MGA: variants seen among roughly 807,000 people sequenced by gnomAD.
The protein encoded by MGA is MAX gene-associated protein.
MGA carries 40 observed loss-of-function variants against 261.1 expected under a neutral mutation model. That is an observed-to-expected ratio of 0.15 (90% CI 0.12 to 0.20). The LOEUF is 0.20. Among genes scored for constraint, MGA ranks in the 10% least tolerant of loss-of-function variants. MGA has a pLI of 1.00. For synonymous variants in MGA, 1,302 were observed against 1,290.6 expected (o/e 1.01, Z -0.19); for missense variants, 3,397 against 3,630.5 (o/e 0.94, Z 1.65).
chr15:41,654,153 C>A (rs569371589), intron 1 of MGA, among the ~76,000 whole-genome samples: 13 of 152,234 alleles, frequency 8.5e-5, no homozygotes, highest in Admixed American at 6.5e-5. Flanking sequence ...CCATCACAGT[C>A]CTGTTGTGTG....
chr15:41,723,150 C>T (rs1435129740), intron 9 of MGA, among the ~76,000 whole-genome samples: 1 of 152,164 alleles, frequency 6.6e-6, no homozygotes, highest in African/African-American at 2.4e-5. Flanking sequence ...CTTAATTCCA[C>T]CTTTTCCTGC....
chr15:41,649,842 G>A (rs2057005903), intron 1 of MGA, among the ~76,000 whole-genome samples: 1 of 152,132 alleles, frequency 6.6e-6, no homozygotes, highest in Admixed American at 6.5e-5. Context: ...ACCACACCTG[G>A]CTAATTTTTT....
At chr15:41,688,059 G>A (rs1025451982) in intron 2 of MGA, among the ~76,000 whole-genome samples, 1 of 152,044 alleles carries the variant, frequency 6.6e-6, no homozygotes. Context: ...TTTTAATTAT[G>A]TGCCTCTTTA....
At chr15:41,730,512 A>G (rs1403716452) in intron 11 of MGA, among the ~76,000 whole-genome samples, 1 of 152,170 alleles carries the variant, frequency 6.6e-6, no homozygotes, top group African/African-American at 2.4e-5. Context: ...ATAGTTTTCA[A>G]ATATGCACCC....
In MGA at chr15:41,696,876, C is replaced by G. The variant is rs2059569842; in HGVS notation, c.1866C>G (p.Leu622=). ...GAGGAAGGCCACGAAAATTGAAACT[C>G]TGTAAGGCAGGACGACCACCTAAGA... The change falls in exon 3 of 24, where the codon CTC becomes CTG. Residue 622 remains leucine, a synonymous_variant. Coordinates refer to ENST00000219905, the MANE Select transcript of MGA (RefSeq NM_001164273.2). The G allele has an allele frequency of 5.6e-6, 9 of 1,597,602 alleles. No individual in the cohort carries two copies. In the East Asian group the frequency reaches 1.8e-4, roughly 32 times the overall value.
intron 1 of MGA, among the ~76,000 whole-genome samples, chr15:41,647,246 C>T (rs2056952600): frequency 6.6e-6 from 1 of 152,206 alleles, no homozygotes. Context: ...CCTGCAAGCT[C>T]ATTCGTAGAT....
chr15:41,750,064 A>C lies in MGA; in HGVS notation c.6457A>C (p.Asn2153His). 2 of 1,613,462 alleles carry C rather than the reference A, an allele frequency of 1.2e-6. No individual in the cohort carries two copies. Among genetic ancestry groups the C allele is most frequent in the Non-Finnish European group, 1.7e-6 (2 of 1,179,708 alleles). ...AAGCAAAGTTATGGAGCAGCAATCT[A>C]ATCTACAGCCAGAGGCCAAAGAGAA... Residue 2153 changes from asparagine to histidine, a missense_variant, in exon 17 of 24, where the codon AAT (asparagine) becomes CAT (histidine). Transcript: ENST00000219905.
rs763604548 is a variant in MGA at position 41,708,156 on chromosome 15, G to A, written c.2373G>A (p.Lys791=). 5.0e-6 allele frequency: 8 copies of A among 1,602,404 alleles called. No individual in the cohort carries two copies. In the East Asian group the frequency reaches 1.8e-4, roughly 36 times the overall value. The change falls in exon 7 of 24, where the codon AAG becomes AAA. Residue 791 remains lysine, a synonymous_variant. Transcript: ENST00000219905. ...CAGGGAAAACCAATGATTTCACTAAGATCAAGGGATGGAGGGGAAAATTTC... is the reference window on the plus strand; with the variant it reads ...CAGGGAAAACCAATGATTTCACTAAAATCAAGGGATGGAGGGGAAAATTTC...
chr15:41,717,193 C>T (rs761908644), intron 9 of MGA, among the ~76,000 whole-genome samples: 1 of 152,118 alleles, frequency 6.6e-6, no homozygotes, highest in Non-Finnish European at 1.5e-5. Context: ...TTGTTGTAGA[C>T]CCCAGTGGCC....
intron 2 of MGA, among the ~76,000 whole-genome samples, chr15:41,681,694 C>T (rs1246734725): frequency 6.6e-6 from 1 of 152,142 alleles, no homozygotes; most frequent in Non-Finnish European, 1.5e-5. Context: ...AAGTGATCTT[C>T]CTGCCTTGGC....
intron 2 of MGA, among the ~76,000 whole-genome samples, chr15:41,690,567 A>G (rs1251589319): frequency 6.6e-6 from 1 of 152,064 alleles, no homozygotes; most frequent in Non-Finnish European, 1.5e-5. Flanking sequence ...TCAATATCAC[A>G]CTGTTGACTG....
chr15:41,719,971 G>A (rs1425671653), intron 9 of MGA, among the ~76,000 whole-genome samples: 1 of 152,016 alleles, frequency 6.6e-6, no homozygotes, highest in Non-Finnish European at 1.5e-5. Context: ...AAATAACTTA[G>A]CAAGTGAACC....
Position 41,767,196 on chromosome 15 carries a change from G to A in MGA, c.9114G>A (p.Arg3038=). 1 of 1,613,998 alleles carries A rather than the reference G, an allele frequency of 6.2e-7. No homozygotes were observed. The highest frequency in any genetic ancestry group is 8.5e-7 in the Non-Finnish European group (1 of 1,179,900). The change falls in exon 24 of 24, where the codon CGG becomes CGA. Residue 3038 remains arginine, a synonymous_variant. Transcript: ENST00000219905. Reference sequence around the variant, plus strand: ...TAACAGGGAATGACCAGGAAGGCCGGGAAAGCAAGGTGATGCCTACATTGG... The same window carrying A: ...TAACAGGGAATGACCAGGAAGGCCGAGAAAGCAAGGTGATGCCTACATTGG...
In MGA at chr15:41,749,822, G is replaced by A. The variant is rs2062734282; in HGVS notation, c.6215G>A (p.Arg2072Lys). The A allele has an allele frequency of 1.2e-6, 2 of 1,613,816 alleles. No homozygotes were observed. The highest frequency in any genetic ancestry group is 1.7e-5 in the Admixed American group (1 of 59,988). ...GATGTTAATGAAGAATATGGGGCTA[G>A]GAATCGTAAGAGTTCCAAAGAAAAA... is the stretch of plus-strand genomic sequence containing the variant. The change falls in exon 17 of 24, where the codon AGG (arginine) becomes AAG (lysine). Residue 2072 changes from arginine (R) to lysine (K), a missense_variant. By Grantham distance (26) the Arg-to-Lys change is conservative. Around this residue, in one of 9 missense-constraint regions of MGA, gnomAD observed 1,410 missense variants for 1,386.4 expected, o/e 1.02. Coordinates refer to ENST00000219905, the MANE Select transcript of MGA (RefSeq NM_001164273.2).
Position 41,769,323 on chromosome 15 carries a change from A to T in MGA, c.*2043A>T. The T allele has an allele frequency of 6.7e-6, 1 of 148,702 alleles. No individual in the cohort carries two copies. The highest frequency in any genetic ancestry group is 2.5e-5 in the African/African-American group (1 of 40,390). The allele number at this position is 148,702 out of a possible 1,614,324, so 9.2% of individuals were successfully genotyped here. ...CCTTTTTTTTTTTTTTTTTTTTAAGAAGAATATAGGTAAACAGGTAATGAT... is the reference window on the plus strand; with the variant it reads ...CCTTTTTTTTTTTTTTTTTTTTAAGTAGAATATAGGTAAACAGGTAATGAT... On this transcript the variant is annotated 3_prime_UTR_variant, in exon 24 of 24. Coordinates refer to ENST00000219905, the MANE Select transcript of MGA (RefSeq NM_001164273.2).
At chr15:41,631,329 A>G (rs1212754793) in intron 1 of MGA, among the ~76,000 whole-genome samples, 1 of 152,170 alleles carries the variant, frequency 6.6e-6, no homozygotes, top group African/African-American at 2.4e-5. Flanking sequence ...AGCCATATAT[A>G]AGAAGAGTTC....
intron 9 of MGA, among the ~76,000 whole-genome samples, chr15:41,722,122 A>ATT (rs35690314): frequency 6.3e-4 from 55 of 87,690 alleles, no homozygotes; most frequent in Non-Finnish European, 9.3e-4. Flanking sequence ...AAGTAGGCCA[A>ATT]TTTTTTTTTT....
intron 9 of MGA, among the ~76,000 whole-genome samples, chr15:41,724,771 G>A (rs1177731689): frequency 6.6e-6 from 1 of 152,132 alleles, no homozygotes; most frequent in Non-Finnish European, 1.5e-5. Context: ...ACTGCAGCTG[G>A]CTAATTGACT....
chr15:41,733,768 A>T (rs1175577443), intron 11 of MGA, among the ~76,000 whole-genome samples: 1 of 152,178 alleles, frequency 6.6e-6, no homozygotes. Context: ...ACTAATGAGA[A>T]ATTGGAGGCA....
Sources: allele counts gnomAD v4.1 joint callset (sites outside exome capture counted in the v4.1 genomes callset), GRCh38; gene constraint gnomAD v4.1.1; regional missense constraint gnomAD v4.1.1; transcripts MANE v1.5; gene names NCBI Gene and HGNC (gene_info 2026-07-23, HGNC 2026-07-21).